The following NREP variants were observed in gnomAD, a reference collection of about 807,000 sequenced individuals.
NREP encodes neuronal regeneration related protein, also known as neuronal regeneration-related protein.
In NREP, 5 loss-of-function variants were observed where a neutral mutation model predicts 8.6. The observed-to-expected ratio is 0.58, with a 90% CI of 0.30 to 1.22. The LOEUF is 1.22. Among genes scored for constraint, NREP ranks in the 50% most tolerant of loss-of-function variants. NREP has a pLI of 0.07. For missense variants in NREP, 86 were observed against 82.5 expected, an observed-to-expected ratio of 1.04 and a Z score of -0.17; for synonymous variants, 27 against 28.0, an observed-to-expected ratio of 0.96 and a Z score of 0.11.
chr5:111,762,852 T>C (rs889799105), intron 2 of NREP, among the ~76,000 whole-genome samples: 7 of 152,206 alleles, frequency 4.6e-5, no homozygotes, highest in African/African-American at 1.7e-4. Flanking sequence ...GGATTTGTAG[T>C]ATTTGCATTT....
intron 2 of NREP, among the ~76,000 whole-genome samples, chr5:111,777,647 A>G (rs1339639892): frequency 1.3e-5 from 2 of 152,114 alleles, no homozygotes; most frequent in African/African-American, 4.8e-5. Context: ...TTTGAGCTCA[A>G]TTTTTAAGTC....
At chr5:111,951,396 C>T (rs1247810125) in intron 2 of NREP, among the ~76,000 whole-genome samples, 9 of 151,962 alleles carry the variant, frequency 5.9e-5, no homozygotes, top group Non-Finnish European at 2.9e-5. Context: ...CGAACAATGC[C>T]TGTAGCCTAA....
chr5:111,795,073 T>C (rs1336154100), intron 2 of NREP, among the ~76,000 whole-genome samples: 3 of 151,954 alleles, frequency 2.0e-5, no homozygotes, highest in African/African-American at 7.3e-5. Flanking sequence ...AGTTAACCAG[T>C]TTAAGTATCT....
At chr5:111,787,987 A>T (rs951790598) in intron 2 of NREP, among the ~76,000 whole-genome samples, 1 of 152,128 alleles carries the variant, frequency 6.6e-6, no homozygotes, top group East Asian at 1.9e-4. Context: ...GGCCCCAGCT[A>T]CTTTGGAAGC....
intron 2 of NREP, among the ~76,000 whole-genome samples, chr5:111,939,564 A>G: frequency 6.6e-6 from 1 of 151,922 alleles, no homozygotes; most frequent in East Asian, 1.9e-4. Context: ...CAGTGTGGCA[A>G]AAAAAAATTC....
intron 2 of NREP, among the ~76,000 whole-genome samples, chr5:111,955,469 G>GAAAAAAAA (rs576072237): frequency 2.1e-5 from 2 of 93,560 alleles, no homozygotes; most frequent in African/African-American, 8.6e-5. Flanking sequence ...GGCCAATACA[G>GAAAAAAAA]AAAAAAAAAA....
chr5:111,918,401 C>T (rs903738610), intron 2 of NREP, among the ~76,000 whole-genome samples: 2 of 152,184 alleles, frequency 1.3e-5, no homozygotes, highest in Non-Finnish European at 1.5e-5. Flanking sequence ...ATAGCCAAGG[C>T]AATCCTAGGC....
At chr5:111,764,788 G>C (rs1751042627) in intron 2 of NREP, among the ~76,000 whole-genome samples, 1 of 152,182 alleles carries the variant, frequency 6.6e-6, no homozygotes, top group Non-Finnish European at 1.5e-5. Context: ...ACCCCTGACA[G>C]AAACTTCAGA....
At chr5:111,752,097 T>C (rs1417325360) in intron 2 of NREP, among the ~76,000 whole-genome samples, 1 of 152,250 alleles carries the variant, frequency 6.6e-6, no homozygotes, top group East Asian at 1.9e-4. Context: ...TATATTTTCC[T>C]ATTTTAGAAG....
chr5:111,823,295 C>T (rs1253533142), intron 2 of NREP, among the ~76,000 whole-genome samples: 1 of 152,150 alleles, frequency 6.6e-6, no homozygotes, highest in Non-Finnish European at 1.5e-5. Flanking sequence ...GACCCACCTC[C>T]AACAATGGGG....
At chr5:111,878,649 T>C (rs1325132976) in intron 2 of NREP, among the ~76,000 whole-genome samples, 1 of 152,172 alleles carries the variant, frequency 6.6e-6, no homozygotes, top group Admixed American at 6.5e-5. Context: ...TTTGCCGTTG[T>C]CTTAAAGGCC....
chr5:111,792,533 C>G (rs1751775453), intron 2 of NREP, among the ~76,000 whole-genome samples: 1 of 152,060 alleles, frequency 6.6e-6, no homozygotes, highest in African/African-American at 2.4e-5. Flanking sequence ...TTTTAACAAG[C>G]CAAATAACAA....
chr5:111,811,562 T>C (rs1467626416), intron 2 of NREP, among the ~76,000 whole-genome samples: 2 of 152,188 alleles, frequency 1.3e-5, no homozygotes, highest in Admixed American at 1.3e-4. Flanking sequence ...TTCTGTTCAG[T>C]CTCTGAAGCT....
intron 2 of NREP, among the ~76,000 whole-genome samples, chr5:111,826,782 G>A (rs1752638495): frequency 6.6e-6 from 1 of 152,162 alleles, no homozygotes; most frequent in Admixed American, 6.5e-5. Flanking sequence ...TGATCCACCT[G>A]TCTTGGCCTC....
At chr5:111,935,075 C>G (rs1755645993) in intron 2 of NREP, among the ~76,000 whole-genome samples, 1 of 152,022 alleles carries the variant, frequency 6.6e-6, no homozygotes, top group Admixed American at 6.6e-5. Flanking sequence ...AACTATTTTT[C>G]TAGATAAGAA....
intron 2 of NREP, among the ~76,000 whole-genome samples, chr5:111,777,538 T>G (rs1751394018): frequency 6.6e-6 from 1 of 152,130 alleles, no homozygotes; most frequent in African/African-American, 2.4e-5. Flanking sequence ...TTGGGAATGT[T>G]AGAGAGGTGA....
At chr5:111,910,305 AGAACTTATTG>A (rs1754877113) in intron 2 of NREP, among the ~76,000 whole-genome samples, 2 of 152,026 alleles carry the variant, frequency 1.3e-5, no homozygotes, top group Non-Finnish European at 2.9e-5. Context: ...GATTGAACAA[AGAACTTATTG>A]CTTACCTCCC....
At chr5:111,789,268 T>G (rs1277845265) in intron 2 of NREP, among the ~76,000 whole-genome samples, 5 of 152,204 alleles carry the variant, frequency 3.3e-5, no homozygotes, top group African/African-American at 9.6e-5. Flanking sequence ...TTCTTTCTCT[T>G]GACAAATTTC....
intron 2 of NREP, among the ~76,000 whole-genome samples, chr5:111,965,065 C>T (rs916710108): frequency 6.6e-6 from 1 of 152,028 alleles, no homozygotes; most frequent in African/African-American, 2.4e-5. Flanking sequence ...TCCTTAGGGT[C>T]TCTCTCACTT....
Sources: gnomAD v4.1 joint callset for allele counts (sites outside exome capture counted in the v4.1 genomes callset) on GRCh38, gnomAD v4.1.1 for gene constraint, MANE v1.5 for transcripts, NCBI Gene and HGNC (gene_info 2026-07-23, HGNC 2026-07-21) for gene names.